Variants in ABCA7 observed in about 807,000 individuals in gnomAD.
The protein encoded by ABCA7 is phospholipid-transporting ATPase ABCA7.
Under a neutral mutation model 227.6 loss-of-function variants are expected in ABCA7, and 261 were observed. The ratio of observed to expected loss-of-function variants is 1.15; its 90% CI spans 1.04 to 1.27. ABCA7 has a LOEUF of 1.27. Among genes scored for constraint, ABCA7 ranks in the 50% most tolerant of loss-of-function variants. ABCA7 has a pLI of 0.00. For synonymous variants in ABCA7, 1,488 were observed against 1,279.7 expected (o/e 1.16, Z -3.47); for missense variants, 3,331 against 2,924.5 (o/e 1.14, Z -3.21).
At chr19:1,049,880 C>G (rs186535147) in intron 18 of ABCA7, among the ~76,000 whole-genome samples, 5 of 976 alleles carry the variant, frequency 5.1e-3, no homozygotes, top group East Asian at 0.045. Flanking sequence ...TGAGCCCCCC[C>G]ACCACTCCCT....
rs760285125 is a variant in ABCA7, at chr19:1,065,323, G to GA, written c.6341dup (p.Glu2115GlyfsTer24). Reference sequence around the variant, plus strand: ...GGAAGGACGAGGACACCGAAGAGCAGAAGGAGGCAGGAGTGGGAGTGGACC... The same window carrying GA: ...GGAAGGACGAGGACACCGAAGAGCAGAAAGGAGGCAGGAGTGGGAGTGGACC... On this transcript the variant is annotated frameshift_variant, in exon 47 of 47. Transcript: ENST00000263094. LOFTEE classifies it low-confidence loss of function (END_TRUNC). 2.5e-6 allele frequency: 4 copies of GA among 1,613,668 alleles called. No individual in the cohort carries two copies. In the South Asian group the frequency reaches 4.4e-5, roughly 18 times the overall value.
In ABCA7 at chr19:1,064,196, C is replaced by T. The variant is rs1168445110; in HGVS notation, c.5987C>T (p.Ala1996Val). The T allele has an allele frequency of 6.3e-7, 1 of 1,581,342 alleles. No individual in the cohort carries two copies. The highest frequency in any genetic ancestry group is 8.6e-7 in the Non-Finnish European group (1 of 1,165,230). Reference sequence around the variant, plus strand: ...TGTGAAGCGCTCTGCTCGCGCCTGGCCATCATGGTGAATGGGCGGTTCCGC... The same window carrying T: ...TGTGAAGCGCTCTGCTCGCGCCTGGTCATCATGGTGAATGGGCGGTTCCGC... ...EECEALCSRL[A>V]IMVNGRFRCL... The change falls in exon 45 of 47, where the codon GCC becomes GTC. Residue 1996 changes from alanine (A) to valine (V), a missense_variant. Transcript: ENST00000263094.
chr19:1,045,303 G>T (rs970213450), intron 12 of ABCA7, 72 bp downstream of exon 12: 25 of 1,377,788 alleles, frequency 1.8e-5, no homozygotes, highest in Non-Finnish European at 2.5e-5. Context: ...GGGCCAGGCA[G>T]CATTCAGCCT....
At chr19:1,059,188 C>A in intron 40 of ABCA7, 103 bp downstream of exon 40, 1 of 1,240,970 alleles carries the variant, frequency 8.1e-7, no homozygotes, top group Non-Finnish European at 1.1e-6. Flanking sequence ...TATCCACCAC[C>A]TTTTATTGGG....
At position 1,063,482 on chromosome 19, in the gene ABCA7, T is replaced by G. The variant is rs1034477938; in HGVS notation, c.5713-62T>G. 19 of 1,575,772 alleles carry G rather than the reference T, an allele frequency of 1.2e-5. No homozygotes were observed. In the African/African-American group the frequency reaches 1.6e-4, roughly 13 times the overall value. Reference sequence around the variant, plus strand: ...ACACTCAATGCTGGCCCCGCCACACTGTGGCCCTGCCCCATACTCATCAAT... The same window carrying G: ...ACACTCAATGCTGGCCCCGCCACACGGTGGCCCTGCCCCATACTCATCAAT... On this transcript the variant is annotated intron_variant, in intron 42 of 46. Coordinates refer to ENST00000263094, the MANE Select transcript of ABCA7 (RefSeq NM_019112.4).
At chr19:1,055,497 C>CACT in intron 30 of ABCA7, 146 bp downstream of exon 30, 2 of 775,208 alleles carry the variant, frequency 2.6e-6, no homozygotes, top group Non-Finnish European at 1.8e-6. Flanking sequence ...CCTTCCTTTC[C>CACT]TCTTTTTTTT....
chr19:1,058,056 T>C lies in ABCA7; in HGVS notation c.5022T>C (p.Asp1674=), dbSNP rs1378739543. Reference sequence around the variant, plus strand: ...CCTTTGTGCTTGAGCTCTTCTCTGATCAGGTGGGGCACCACGAGGCTGGGG... The same window carrying C: ...CCTTTGTGCTTGAGCTCTTCTCTGACCAGGTGGGGCACCACGAGGCTGGGG... The part of the protein sequence containing the change: ...MATFVLELFS[D]QKLQEVSRIL... Residue 1674 remains aspartate, a synonymous_variant, in exon 36 of 47, where the codon GAT becomes GAC. Coordinates refer to ENST00000263094, the MANE Select transcript of ABCA7 (RefSeq NM_019112.4). 1 of 1,614,016 alleles carries C rather than the reference T, an allele frequency of 6.2e-7. No individual in the cohort carries two copies. Among genetic ancestry groups the C allele is most frequent in the African/African-American group, 1.3e-5 (1 of 74,936 alleles).
chr19:1,042,257 G>C, intron 5 of ABCA7, 58 bp from the exon 6 acceptor site: 3 of 1,583,454 alleles, frequency 1.9e-6, no homozygotes. Flanking sequence ...CAGGGTGGGG[G>C]TGGGTGCCTC....
Position 1,057,989 on chromosome 19 carries a change from C to A in ABCA7, c.4955C>A (p.Thr1652Asn). Residue 1652 changes from threonine (T) to asparagine (N), a missense_variant, in exon 36 of 47, where the codon ACC becomes AAC. By Grantham distance (65) the Thr-to-Asn change is moderately conservative. Coordinates refer to ENST00000263094, the MANE Select transcript of ABCA7 (RefSeq NM_019112.4). ...CCCAGCACAGCCTATGTGGTGCTCA[C>A]CTGCATAAACCTCTTTATTGGCATC... is the stretch of plus-strand genomic sequence containing the variant. ...SVPSTAYVVLTCINLFIGING... is the reference protein window; with the variant it reads ...SVPSTAYVVLNCINLFIGING... 3 of 1,614,076 alleles carry A rather than the reference C, an allele frequency of 1.9e-6. No homozygotes were observed. The highest frequency in any genetic ancestry group is 1.1e-5 in the South Asian group (1 of 91,090).
Position 1,057,439 on chromosome 19 carries a change from C to T in ABCA7, c.4880+10C>T, listed in dbSNP as rs748225690. On this transcript the variant is annotated intron_variant, in intron 35 of 46. Transcript: ENST00000263094. The stretch of plus-strand genomic sequence containing the variant: ...TGCTACTACTGTATGGGTGAGGCCC[C>T]CAGTCCCTCAGGGCCTATTCTTACT... The T allele has an allele frequency of 5.0e-6, 8 of 1,608,804 alleles. No individual in the cohort carries two copies. In the South Asian group the frequency reaches 8.8e-5, roughly 18 times the overall value.
In ABCA7 at chr19:1,051,367, C is replaced by T. The variant is rs9282556; in HGVS notation, c.2824+73C>T. 7.1e-3 allele frequency: 11,291 copies of T among 1,588,330 alleles called. 745 individuals are homozygous for T. The African/African-American group carries it at 0.14, about 19-fold the overall frequency. On this transcript the variant is annotated intron_variant, in intron 20 of 46. Transcript: ENST00000263094. The stretch of plus-strand genomic sequence containing the variant: ...ATTCATCCTGAAGGCAGGGGGAAGC[C>T]GGGTACTGAGGTCCACGTGGGTAGG...
In ABCA7 at chr19:1,051,519, G is replaced by A; in HGVS notation, c.2895G>A (p.Glu965=). 6.2e-7 allele frequency: 1 copy of A among 1,612,710 alleles called. No homozygotes were observed. Among genetic ancestry groups the A allele is most frequent in the South Asian group, 1.1e-5 (1 of 91,086 alleles). ...GCTCCCAAGTTGTTATCCTGGACGA[G>A]CCTACGGCTGGCGTGGATCCTGCTT... ...VGGSQVVILD[E]PTAGVDPASR... The change falls in exon 21 of 47, where the codon GAG becomes GAA. Residue 965 remains glutamate (E), a synonymous_variant. Transcript: ENST00000263094.
chr19:1,050,786 AATAATAATAATAAT>A, intron 18 of ABCA7, 121 bp from the exon 19 acceptor site: 5 of 122,994 alleles, frequency 4.1e-5, no homozygotes, highest in Admixed American at 1.9e-4. Context: ...TCTCAAAAAT[AATAATAATAATAAT>A]AATAATAATA....
Position 1,040,131 on chromosome 19 carries a change from G to C in ABCA7, c.-203G>C, listed in dbSNP as rs1282539041. 6.6e-6 allele frequency: 1 copy of C among 152,286 alleles called. No individual in the cohort carries two copies. The highest frequency in any genetic ancestry group is 2.4e-5 in the African/African-American group (1 of 41,478). 9.4% of individuals were successfully genotyped at this position (152,286 alleles called of 1,614,324 possible). On this transcript the variant is annotated 5_prime_UTR_variant, in exon 1 of 47. Transcript: ENST00000263094. Reference sequence around the variant, plus strand: ...CAAGCTCAGCGCACTTGGCTTAAGGGGCGGCGCGCTCCCTGCCTGCTGCTG... The same window carrying C: ...CAAGCTCAGCGCACTTGGCTTAAGGCGCGGCGCGCTCCCTGCCTGCTGCTG...
chr19:1,051,419 A>G, intron 20 of ABCA7, 30 bp from the exon 21 acceptor site: 1 of 718,822 alleles, frequency 1.4e-6, no homozygotes, highest in East Asian at 2.8e-5. Flanking sequence ...TGGGTGTGAC[A>G]CACTGAGGTC....
Position 1,046,945 on chromosome 19 carries a change from C to T in ABCA7, c.1766C>T (p.Ala589Val), listed in dbSNP as rs144979723. 3.0e-4 allele frequency: 468 copies of T among 1,568,612 alleles called. 4 individuals are homozygous for T. In the African/African-American group the frequency reaches 5.5e-3, roughly 19 times the overall value. ...DTMRAMGLSR[A>V]VLWLGWFLSC... ...ATGCGCGCCATGGGGCTCAGCCGCG[C>T]GGTGCTCTGGCTAGGCTGGTTCCTC... Residue 589 changes from alanine to valine, a missense_variant, in exon 14 of 47, where the codon GCG (alanine) becomes GTG (valine). Transcript: ENST00000263094.
chr19:1,054,390 T>C lies in ABCA7; in HGVS notation c.3726+49T>C, dbSNP rs1286155235. 6.4e-7 allele frequency: 1 copy of C among 1,561,184 alleles called. No homozygotes were observed. Among genetic ancestry groups the C allele is most frequent in the South Asian group, 1.2e-5 (1 of 86,882 alleles). ...GTCGCATGGGAGTCCCTGAGTTCCC[T>C]ACCCTGGCCGTCCACTCAGTGGCCT... is the stretch of plus-strand genomic sequence containing the variant. On this transcript the variant is annotated intron_variant, in intron 27 of 46. Transcript: ENST00000263094. The surrounding 1 kb of genome is among the most constrained non-coding windows in gnomAD (Gnocchi z 4.8).
In ABCA7 at chr19:1,056,280, G is replaced by C; in HGVS notation, c.4416+37G>C. On this transcript the variant is annotated intron_variant, in intron 32 of 46. Coordinates refer to ENST00000263094, the MANE Select transcript of ABCA7 (RefSeq NM_019112.4). The surrounding 1 kb of genome is among the most constrained non-coding windows in gnomAD (Gnocchi z 4.3). ...GGGGGCAGGTGGGCGTCCTGTCACA[G>C]CAAGGTCCAACCCCATTGCTCTGAC... 6.3e-7 allele frequency: 1 copy of C among 1,595,566 alleles called. No individual in the cohort carries two copies. Among genetic ancestry groups the C allele is most frequent in the Non-Finnish European group, 8.6e-7 (1 of 1,168,748 alleles).
At position 1,056,419 on chromosome 19, in the gene ABCA7, C is replaced by T. The variant is rs762064133; in HGVS notation, c.4506C>T (p.Gly1502=). Residue 1502 remains glycine, a synonymous_variant, in exon 33 of 47, where the codon GGC becomes GGT. Coordinates refer to ENST00000263094, the MANE Select transcript of ABCA7 (RefSeq NM_019112.4). The surrounding 1 kb of genome is among the most constrained non-coding windows in gnomAD (Gnocchi z 4.3). ...NAILRAHLPP[G]PARHAHSITT... is the part of the protein sequence containing the mutation. ...TCCTCCGTGCTCACCTGCCCCCAGGCCCGGCCCGCCACGCCCACAGCATCA... is the reference window on the plus strand; with the variant it reads ...TCCTCCGTGCTCACCTGCCCCCAGGTCCGGCCCGCCACGCCCACAGCATCA... The T allele has an allele frequency of 2.1e-5, 34 of 1,613,414 alleles. No homozygotes were observed. The highest frequency in any genetic ancestry group is 2.7e-5 in the Non-Finnish European group (32 of 1,180,014).
Sources: allele counts gnomAD v4.1 joint callset (sites outside exome capture counted in the v4.1 genomes callset), GRCh38; gene constraint gnomAD v4.1.1; non-coding constraint Gnocchi (gnomAD v3.1); transcripts MANE v1.5; gene names NCBI Gene and HGNC (gene_info 2026-07-23, HGNC 2026-07-21).